Variants in HERC2 observed in about 807,000 individuals in gnomAD.
The protein encoded by HERC2 is HECT and RLD domain containing E3 ubiquitin protein ligase 2, also known as E3 ubiquitin-protein ligase HERC2.
In HERC2, 102 loss-of-function variants were observed where a neutral mutation model predicts 537.7. The observed-to-expected ratio is 0.19, with a 90% confidence interval of 0.16 to 0.22. The LOEUF (loss-of-function observed/expected upper bound fraction) is 0.22. Ranked by LOEUF, HERC2 falls within the 10% of genes least tolerant of loss-of-function variation. The pLI, the probability that HERC2 is intolerant of heterozygous loss-of-function variation, is 1.00. For synonymous variants in HERC2, 2,224 were observed against 2,466.2 expected (o/e 0.90, Z 2.91); for missense variants, 4,236 against 6,198.2 (o/e 0.68, Z 10.63).
At chr15:28,276,349 G>A (rs2075874196) in intron 5 of HERC2, among the ~76,000 whole-genome samples, 1 of 152,052 alleles carries the variant, frequency 6.6e-6, no homozygotes, top group Non-Finnish European at 1.5e-5. Flanking sequence ...AGCTCAGAGA[G>A]GAAACACAAG....
chr15:28,125,436 G>T (rs750124043), intron 83 of HERC2, among the ~76,000 whole-genome samples: 1 of 152,184 alleles, frequency 6.6e-6, no homozygotes, highest in African/African-American at 2.4e-5. Flanking sequence ...CACAGCCCCT[G>T]TTGGCCACCA....
chr15:28,150,395 A>T (rs889282871), intron 70 of HERC2, among the ~76,000 whole-genome samples: 2 of 151,650 alleles, frequency 1.3e-5, no homozygotes, highest in Non-Finnish European at 1.5e-5. Context: ...ATTCTAGTAA[A>T]ATTACCGAAA....
intron 79 of HERC2, among the ~76,000 whole-genome samples, chr15:28,133,700 T>C (rs1288681477): frequency 2.0e-5 from 3 of 152,254 alleles, no homozygotes; most frequent in Non-Finnish European, 4.4e-5. Flanking sequence ...TTGAAAATAG[T>C]ATATTTTCTC....
chr15:28,190,919 T>A (rs528273761), intron 55 of HERC2, 46 bp downstream of exon 55: 331 of 1,314,462 alleles, frequency 2.5e-4, no homozygotes, highest in Non-Finnish European at 3.3e-4. Flanking sequence ...TCACCTCCCT[T>A]GTCATCTGTA....
At position 28,132,088 on chromosome 15, in the gene HERC2, A is replaced by AATGGGAAAT; in HGVS notation, c.12570+3_12570+11dup. The AATGGGAAAT allele has an allele frequency of 6.3e-7, 1 of 1,584,074 alleles. No individual in the cohort carries two copies. Among genetic ancestry groups the AATGGGAAAT allele is most frequent in the Non-Finnish European group, 8.6e-7 (1 of 1,159,502 alleles). The stretch of plus-strand genomic sequence containing the variant: ...CTGGGAGAGCACTGGGCAGGGAAAG[A>AATGGGAAAT]ATGGGAAATACCTTCATAGGCACTT... On this transcript the variant is annotated intron_variant, in intron 81 of 92. Coordinates refer to ENST00000261609, the MANE Select transcript of HERC2 (RefSeq NM_004667.6).
At position 28,132,642 on chromosome 15, in the gene HERC2, C is replaced by A. The variant is rs202216879; in HGVS notation, c.12408+11G>T. ...TGCAGCCTCCGGCCTCTGCACACGG[C>A]GCCTCCTCACCAGCTTCGGCTTCAG... On this transcript the variant is annotated intron_variant, in intron 80 of 92. Coordinates refer to ENST00000261609, the MANE Select transcript of HERC2 (RefSeq NM_004667.6). The A allele has an allele frequency of 1.7e-4, 250 of 1,481,044 alleles. 2 individuals carry two copies. Among genetic ancestry groups the A allele is most frequent in the Admixed American group, 6.0e-4 (26 of 43,218 alleles). 91.7% of individuals were successfully genotyped at this position (1,481,044 alleles called of 1,614,324 possible). A position where few individuals can be genotyped will look rare whatever the true frequency, so the allele number is the denominator to read the frequency against.
chr15:28,277,711 G>A (rs756238236), intron 5 of HERC2, among the ~76,000 whole-genome samples: 8 of 152,106 alleles, frequency 5.3e-5, no homozygotes, highest in East Asian at 1.9e-4. Flanking sequence ...CATCACAGCC[G>A]GTTAGGAAGG....
chr15:28,310,901 C>A (rs1327582945), intron 2 of HERC2, among the ~76,000 whole-genome samples: 3 of 151,586 alleles, frequency 2.0e-5, no homozygotes, highest in South Asian at 2.1e-4. Flanking sequence ...CACAGCGAAA[C>A]CCCATCTCTA....
rs565387129 is a variant in HERC2, at chr15:28,240,525, C to T, written c.3578-1753G>A. ...CATACTCACCTGTTAAAACTAGATT[C>T]ATTTTACTATTTTTCTACTTTTATC... On this transcript the variant is annotated intron_variant, in intron 23 of 92. Coordinates refer to ENST00000261609, the MANE Select transcript of HERC2 (RefSeq NM_004667.6). 1.2e-3 allele frequency among the ~76,000 whole-genome samples: 187 copies of T among 152,326 alleles called. 2 individuals carry two copies. Among genetic ancestry groups the T allele is most frequent in the African/African-American group, 4.1e-3 (170 of 41,588 alleles).
intron 59 of HERC2, among the ~76,000 whole-genome samples, chr15:28,178,535 C>T (rs1003935700): frequency 3.3e-5 from 5 of 152,054 alleles, no homozygotes; most frequent in Non-Finnish European, 5.9e-5. Context: ...AATTCAGTTC[C>T]ATTCCTCAGA....
rs1899561058 is a variant in HERC2, at chr15:28,213,922, GC to G, written c.6605del (p.Gly2202AlafsTer8). Reference protein sequence around the residue: ...FPDSENPEVGGLMAVLAVIGG... With the variant: ...FPDSENPEVGXLMAVLAVIGG... ...CAATCACAGCCAGGACTGCCATGAG[GC>G]CCCCCACTTCAGGGTTCTCGGAGTC... is the stretch of plus-strand genomic sequence containing the variant. On this transcript the variant is annotated frameshift_variant, in exon 42 of 93. Transcript: ENST00000261609. LOFTEE classifies it high-confidence loss of function. 6.2e-7 allele frequency: 1 copy of G among 1,613,928 alleles called. No individual in the cohort carries two copies. The highest frequency in any genetic ancestry group is 1.3e-5 in the African/African-American group (1 of 74,896).
At chr15:28,139,497 T>C (rs1283231366) in intron 78 of HERC2, among the ~76,000 whole-genome samples, 1 of 152,204 alleles carries the variant, frequency 6.6e-6, no homozygotes, top group South Asian at 2.1e-4. Context: ...AGCCTCAAGA[T>C]GACTGCAGCC....
At position 28,312,449 on chromosome 15, in the gene HERC2, A is replaced by G. The variant is rs1304730598; in HGVS notation, c.72+8913T>C. ...AGAGTTCAAGATCAGCCTGGGCAACATGGTAAGACCGTGTCTCTACAGAAA... is the reference window on the plus strand; with the variant it reads ...AGAGTTCAAGATCAGCCTGGGCAACGTGGTAAGACCGTGTCTCTACAGAAA... On this transcript the variant is annotated intron_variant, in intron 2 of 92. Coordinates refer to ENST00000261609, the MANE Select transcript of HERC2 (RefSeq NM_004667.6). Among the ~76,000 whole-genome samples the G allele has an allele frequency of 4.6e-5, 7 of 152,400 alleles. No individual in the cohort carries two copies. The South Asian group carries it at 1.2e-3, about 27-fold the overall frequency.
chr15:28,254,393 C>A lies in HERC2; in HGVS notation c.2997G>T (p.Glu999Asp), dbSNP rs746990193. ...DKDLINTGIC[E>D]SSGKQCLPLV... ...GAGGCAAACACTGTTTGCCAGAAGA[C>A]TCACAGATCCCCGTATTAATAAGGT... Residue 999 changes from glutamate (E) to aspartate (D), a missense_variant, in exon 20 of 93, where the codon GAG becomes GAT. Transcript: ENST00000261609. The A allele has an allele frequency of 9.9e-6, 16 of 1,608,262 alleles. No homozygotes were observed. In the African/African-American group the frequency reaches 1.7e-4, roughly 18 times the overall value.
At chr15:28,132,977 T>C (rs902480215) in intron 79 of HERC2, 147 bp from the exon 80 acceptor site, 6 of 611,600 alleles carry the variant, frequency 9.8e-6, no homozygotes, top group African/African-American at 9.6e-5. Flanking sequence ...ACTCAAAAGT[T>C]CACCACTTCC....
Position 28,182,447 on chromosome 15 carries a change from C to T in HERC2, c.8891G>A (p.Trp2964Ter), listed in dbSNP as rs1895911644. Residue 2964 changes from tryptophan (W) to a stop codon, truncating the protein, a stop_gained, in exon 57 of 93, where the codon TGG becomes TAG. Coordinates refer to ENST00000261609, the MANE Select transcript of HERC2 (RefSeq NM_004667.6). LOFTEE classifies it high-confidence loss of function. ...CAGCTGGTCCTTGTCATTCAGGCCC[C>T]ACACAAACACCTTGGTTCTTATCGT... ...AATIRTKVFV[W>*]GLNDKDQLGG... is the part of the protein sequence containing the mutation. 6.2e-7 allele frequency: 1 copy of T among 1,613,804 alleles called. No homozygotes were observed. Among genetic ancestry groups the T allele is most frequent in the African/African-American group, 1.3e-5 (1 of 74,846 alleles).
rs1335259160 is a variant in HERC2, at chr15:28,293,110, C to T, written c.188-88G>A. On this transcript the variant is annotated intron_variant, in intron 3 of 92. Coordinates refer to ENST00000261609, the MANE Select transcript of HERC2 (RefSeq NM_004667.6). ...GCAAATGTCCCTCCCCGAAAAGTTACAACACACATCATTAACTGAATGTTG... is the reference window on the plus strand; with the variant it reads ...GCAAATGTCCCTCCCCGAAAAGTTATAACACACATCATTAACTGAATGTTG... The T allele has an allele frequency of 6.5e-6, 7 of 1,080,990 alleles. No individual in the cohort carries two copies. The South Asian group carries it at 7.6e-5, about 12-fold the overall frequency. The allele number at this position is 1,080,990 out of a possible 1,614,324, so 67.0% of individuals were successfully genotyped here. A position where few individuals can be genotyped will look rare whatever the true frequency, so the allele number is the denominator to read the frequency against.
At chr15:28,254,238 G>T in intron 20 of HERC2, 102 bp downstream of exon 20, 2 of 755,350 alleles carry the variant, frequency 2.6e-6, no homozygotes, top group Non-Finnish European at 4.2e-6. Context: ...AGCCAAGATG[G>T]CGCCATAGCA....
intron 42 of HERC2, 44 bp downstream of exon 42, chr15:28,213,698 T>G: frequency 6.2e-7 from 1 of 1,612,586 alleles, no homozygotes; most frequent in Non-Finnish European, 8.5e-7. Flanking sequence ...TAGTGTAAAG[T>G]CAATTTCCCT....
Sources: allele counts gnomAD v4.1 joint callset (sites outside exome capture counted in the v4.1 genomes callset), GRCh38; gene constraint gnomAD v4.1.1; transcripts MANE v1.5; gene names NCBI Gene and HGNC (gene_info 2026-07-23, HGNC 2026-07-21).